Variants in BTD observed in about 807,000 individuals in gnomAD.
The protein encoded by BTD is biotinidase, also known as biocytinase.
Under a neutral mutation model 17.7 loss-of-function variants are expected in BTD, and 13 were observed. The observed-to-expected ratio is 0.74, with a 90% CI of 0.48 to 1.17. The LOEUF is 1.17. Ranked by LOEUF, BTD falls within the 50% of genes most tolerant of loss-of-function variation. The pLI, the probability that BTD is intolerant of heterozygous loss-of-function variation, is 0.00. For missense variants in BTD, 674 were observed against 650.4 expected, an observed-to-expected ratio of 1.04 and a Z score of -0.39; for synonymous variants, 240 against 245.2, an observed-to-expected ratio of 0.98 and a Z score of 0.20.
intron 3 of BTD, among the ~76,000 whole-genome samples, chr3:15,682,062 G>A (rs2067603669): frequency 6.6e-6 from 1 of 151,960 alleles, no homozygotes. Flanking sequence ...GTGTGGCCTA[G>A]GGAACCCTGG....
At chr3:15,610,842 T>C (rs1008778728) in intron 1 of BTD, among the ~76,000 whole-genome samples, 2 of 151,802 alleles carry the variant, frequency 1.3e-5, no homozygotes, top group African/African-American at 4.8e-5. Flanking sequence ...TAAACTACAG[T>C]GTCTAGGGAT....
At chr3:15,711,053 A>G (rs1293603965) in exon 4 of BTD, among the ~76,000 whole-genome samples, 3 of 152,146 alleles carry the variant, frequency 2.0e-5, no homozygotes, top group Non-Finnish European at 4.4e-5. Context: ...AAGATGAAAA[A>G]AAGTATTCTG....
At chr3:15,633,151 T>C (rs2065255682) in intron 1 of BTD, among the ~76,000 whole-genome samples, 1 of 152,224 alleles carries the variant, frequency 6.6e-6, no homozygotes, top group Admixed American at 6.5e-5. Flanking sequence ...TACTGTATTT[T>C]TTAAATTGCT....
Position 15,679,462 on chromosome 3 carries a change from C to T in BTD, c.400-30598C>T, listed in dbSNP as rs746698892. 1.9e-5 allele frequency: 31 copies of T among 1,613,732 alleles called. 1 individual carries two copies. In the South Asian group the frequency reaches 3.3e-4, roughly 17 times the overall value. On this transcript the variant is annotated intron_variant, in intron 3 of 3. Coordinates refer to the BTD transcript ENST00000672141. ...ACACTCAAACCAAATCTGATTCATT[C>T]TGGCTTTACTTACACGGCACAATGC...
chr3:15,695,937 A>G (rs2069482094), intron 3 of BTD, among the ~76,000 whole-genome samples: 2 of 152,102 alleles, frequency 1.3e-5, no homozygotes, highest in Non-Finnish European at 1.5e-5. Flanking sequence ...TCAGAGATCT[A>G]ATTTTCTCCT....
chr3:15,623,032 G>A (rs1177951973), intron 1 of BTD, among the ~76,000 whole-genome samples: 2 of 152,230 alleles, frequency 1.3e-5, no homozygotes, highest in Non-Finnish European at 2.9e-5. Flanking sequence ...GCAAAGGCAT[G>A]TCTTACATGG....
intron 3 of BTD, among the ~76,000 whole-genome samples, chr3:15,661,265 CAAAAAAAAAAAAAAA>C (rs56165902): frequency 1.1e-5 from 1 of 93,780 alleles, no homozygotes. Context: ...GACTCTGTCT[CAAAAAAAAAAAAAAA>C]AAAAAAAAAA....
intron 1 of BTD, among the ~76,000 whole-genome samples, chr3:15,617,771 A>G (rs2064835207): frequency 6.6e-6 from 1 of 152,160 alleles, no homozygotes; most frequent in Non-Finnish European, 1.5e-5. Context: ...ATGTGGGTCT[A>G]TTTCTGGATT....
In BTD at chr3:15,646,666, AT is replaced by A. The variant is rs1374998189; in HGVS notation, c.*1184del. On this transcript the variant is annotated 3_prime_UTR_variant, in exon 4 of 4. Transcript: ENST00000643237. The stretch of plus-strand genomic sequence containing the variant: ...GCATGCCTAGTAGCTGTTTCAGATC[AT>A]TTTTTAAGTACAGAATGGATAATTA... 6.6e-6 allele frequency: 1 copy of A among 152,224 alleles called. No homozygotes were observed. Among genetic ancestry groups the A allele is most frequent in the African/African-American group, 2.4e-5 (1 of 41,460 alleles). 9.4% of individuals were successfully genotyped at this position (152,224 alleles called of 1,614,324 possible). A position where few individuals can be genotyped will look rare whatever the true frequency, so the allele number is the denominator to read the frequency against.
At chr3:15,655,795 T>G (rs1231805763), downstream of BTD, among the ~76,000 whole-genome samples, 1 of 152,196 alleles carries the variant, frequency 6.6e-6, no homozygotes, top group East Asian at 1.9e-4. Context: ...GAGAATACTT[T>G]GTTGTTTTTA....
At chr3:15,626,019 T>C (rs1238437458) in intron 1 of BTD, among the ~76,000 whole-genome samples, 1 of 152,242 alleles carries the variant, frequency 6.6e-6, no homozygotes, top group Non-Finnish European at 1.5e-5. Flanking sequence ...TGTTTCTTCT[T>C]TTATTTCAAC....
chr3:15,688,257 AT>A (rs1368108300), intron 3 of BTD, among the ~76,000 whole-genome samples: 1 of 152,108 alleles, frequency 6.6e-6, no homozygotes, highest in East Asian at 1.9e-4. Context: ...AAATGTACTT[AT>A]TTTTCACAGA....
At chr3:15,674,170 T>A (rs1461621259) in intron 3 of BTD, among the ~76,000 whole-genome samples, 7 of 12,054 alleles carry the variant, frequency 5.8e-4, no homozygotes, top group African/African-American at 1.1e-3. Flanking sequence ...AGACCCTGCC[T>A]CTTCAAAAAA....
chr3:15,717,111 T>C (rs112329537), downstream of BTD, among the ~76,000 whole-genome samples: 7 of 152,352 alleles, frequency 4.6e-5, no homozygotes, highest in African/African-American at 1.7e-4. Context: ...CTAGGTCTCA[T>C]AGCTAATAAG....
At chr3:15,677,133 C>G in intron 3 of BTD, 2 of 1,170,650 alleles carry the variant, frequency 1.7e-6, no homozygotes, top group Non-Finnish European at 1.3e-6. Flanking sequence ...ATCTGCAATC[C>G]TAGTCCATAT....
rs1319124138 is a variant in BTD, at chr3:15,697,327, A to G, written c.400-12733A>G. The G allele has an allele frequency of 3.3e-5, 5 of 152,668 alleles. No individual in the cohort carries two copies. The Admixed American group carries it at 3.3e-4, about 10-fold the overall frequency. 9.5% of individuals were successfully genotyped at this position (152,668 alleles called of 1,614,324 possible). A position where few individuals can be genotyped will look rare whatever the true frequency, so the allele number is the denominator to read the frequency against. ...CCCAATATGTAGTCTTTTATCCATC[A>G]TATTTTACTCCATGTGAGGGATAAA... On this transcript the variant is annotated intron_variant, in intron 3 of 3. Transcript: ENST00000672141.
chr3:15,656,833 C>T (rs2065875754), downstream of BTD, among the ~76,000 whole-genome samples: 2 of 152,222 alleles, frequency 1.3e-5, no homozygotes, highest in Admixed American at 1.3e-4. Context: ...GTTCCACTAA[C>T]TTAAGTTTCA....
At chr3:15,616,572 C>T (rs2064798560) in intron 1 of BTD, among the ~76,000 whole-genome samples, 1 of 151,738 alleles carries the variant, frequency 6.6e-6, no homozygotes, top group Admixed American at 6.6e-5. Context: ...GCCAAGATCG[C>T]ACCATTGTAC....
intron 3 of BTD, chr3:15,694,686 G>C (rs919650730): frequency 6.7e-7 from 1 of 1,487,966 alleles, no homozygotes; most frequent in Middle Eastern, 1.7e-4. Flanking sequence ...TAGGTTATTA[G>C]ATATTTTCAG....
Sources: allele counts gnomAD v4.1 joint callset (sites outside exome capture counted in the v4.1 genomes callset), GRCh38; gene constraint gnomAD v4.1.1; transcripts MANE v1.5; gene names NCBI Gene and HGNC (gene_info 2026-07-23, HGNC 2026-07-21).